Variants in ST6GALNAC1 observed in about 807,000 individuals in gnomAD.
ST6GALNAC1 encodes alpha-N-acetylgalactosaminide alpha-2,6-sialyltransferase 1.
ST6GALNAC1 carries 45 observed loss-of-function variants against 56.8 expected under a neutral mutation model. That is an observed-to-expected ratio of 0.79 (90% CI 0.62 to 1.02). The LOEUF (loss-of-function observed/expected upper bound fraction) is 1.02, where lower values mean the gene tolerates loss of function less well. ST6GALNAC1 is among the 50% of genes least tolerant of loss of function. ST6GALNAC1 has a pLI of 0.00. For synonymous variants in ST6GALNAC1, 295 were observed against 297.8 expected (o/e 0.99, Z 0.10); for missense variants, 743 against 754.8 (o/e 0.98, Z 0.18).
the ST6GALNAC1 span, among the ~76,000 whole-genome samples, chr17:76,618,177 G>A: frequency 3.9e-5 from 6 of 152,190 alleles, no homozygotes; most frequent in African/African-American, 1.2e-4. Flanking sequence ...CAATAAGCAG[G>A]TGGTTTCATC....
chr17:76,623,301 C>A (rs1477299158), downstream of ST6GALNAC1, among the ~76,000 whole-genome samples: 1 of 152,152 alleles, frequency 6.6e-6, no homozygotes, highest in Non-Finnish European at 1.5e-5. Flanking sequence ...AGGTAGACCT[C>A]TCTCATAGCT....
At position 76,643,537 on chromosome 17, in the gene ST6GALNAC1, A is replaced by T. The variant is rs1486167755; in HGVS notation, c.102T>A (p.Phe34Leu). The stretch of plus-strand genomic sequence containing the variant: ...AAGGCTTTGTTTGAGGCTCCTTAAT[A>T]AAAGAGGGCAAGGCGAAGAGAAAGA... Reference protein sequence around the residue: ...LVFFLFALPSFIKEPQTKPSR... With the variant: ...LVFFLFALPSLIKEPQTKPSR... Residue 34 changes from phenylalanine (F) to leucine (L), a missense_variant, in exon 1 of 9, where the codon TTT becomes TTA. Physicochemically the swap from Phe to Leu is conservative, Grantham distance 22. Coordinates refer to ENST00000156626, the MANE Select transcript of ST6GALNAC1 (RefSeq NM_018414.5). 5.0e-6 allele frequency: 8 copies of T among 1,614,062 alleles called. No individual in the cohort carries two copies. Among genetic ancestry groups the T allele is most frequent in the Non-Finnish European group, 6.8e-6 (8 of 1,179,940 alleles).
intron 1 of ST6GALNAC1, among the ~76,000 whole-genome samples, chr17:76,637,272 T>TA (rs771644279): frequency 0.46 from 8,390 of 18,212 alleles, 2,195 homozygotes; most frequent in East Asian, 0.74. Flanking sequence ...CAATAAATAC[T>TA]AAAAAAAAAA....
downstream of ST6GALNAC1, among the ~76,000 whole-genome samples, chr17:76,624,205 C>G (rs1455770979): frequency 6.6e-6 from 1 of 152,006 alleles, no homozygotes; most frequent in Non-Finnish European, 1.5e-5. Flanking sequence ...TACCGAGGGT[C>G]CTTTATTCTA....
At chr17:76,626,172 G>A in intron 6 of ST6GALNAC1, 77 bp from the exon 7 acceptor site, 1 of 1,554,498 alleles carries the variant, frequency 6.4e-7, no homozygotes, top group Non-Finnish European at 8.9e-7. Context: ...TCATGAGCAT[G>A]ACTGGTATCC....
At chr17:76,623,817 C>T (rs2075762968), downstream of ST6GALNAC1, among the ~76,000 whole-genome samples, 1 of 152,204 alleles carries the variant, frequency 6.6e-6, no homozygotes, top group Non-Finnish European at 1.5e-5. Context: ...TCGAGTAACA[C>T]TCGGTGAGGC....
Position 76,629,567 on chromosome 17 carries a change from G to A in ST6GALNAC1, c.276C>T (p.Pro92=), listed in dbSNP as rs1055347718. Reference sequence around the variant, plus strand: ...CTCTGTCTCCGGTGGTGTGGGCCTTGGGCTGGGTTTGTGTGTTGAGGGCAT... The same window carrying A: ...CTCTGTCTCCGGTGGTGTGGGCCTTAGGCTGGGTTTGTGTGTTGAGGGCAT... ...ENNALNTQTQ[P]KAHTTGDRGK... The change falls in exon 2 of 9, where the codon CCC becomes CCT. Residue 92 remains proline, a synonymous_variant. Coordinates refer to ENST00000156626, the MANE Select transcript of ST6GALNAC1 (RefSeq NM_018414.5). 6.2e-7 allele frequency: 1 copy of A among 1,613,934 alleles called. No homozygotes were observed. The highest frequency in any genetic ancestry group is 8.5e-7 in the Non-Finnish European group (1 of 1,179,932).
chr17:76,621,182 C>CTTTTTTTTTTTTTTTTTTTTT (rs367846650), downstream of ST6GALNAC1, among the ~76,000 whole-genome samples: 2 of 105,326 alleles, frequency 1.9e-5, no homozygotes, highest in Non-Finnish European at 3.6e-5. Context: ...TTCTTTCTTT[C>CTTTTTTTTTTTTTTTTTTTTT]TTTCTTTTTT....
intron 1 of ST6GALNAC1, among the ~76,000 whole-genome samples, chr17:76,639,798 G>T (rs1332701629): frequency 6.6e-6 from 1 of 151,776 alleles, no homozygotes; most frequent in Non-Finnish European, 1.5e-5. Context: ...TGGGAGACGT[G>T]GGGGATGAGA....
rs748372332 is a variant in ST6GALNAC1 at position 76,627,441 on chromosome 17, A to T, written c.974T>A (p.Phe325Tyr). 1.9e-6 allele frequency: 3 copies of T among 1,614,188 alleles called. No homozygotes were observed. The South Asian group carries it at 3.3e-5, about 18-fold the overall frequency. ...WDRLEHFAPP[F>Y]GFMELNYSLV... ...GGAGTAGTTGAGCTCCATGAAGCCA[A>T]AGGGTGGTGCAAAGTGTTCCAGGCG... The change falls in exon 3 of 9, where the codon TTT (phenylalanine) becomes TAT (tyrosine). Residue 325 changes from phenylalanine to tyrosine, a missense_variant. Phe to Tyr is a conservative substitution (Grantham distance 22). Transcript: ENST00000156626. The surrounding 1 kb of genome is among the most constrained non-coding windows in gnomAD (Gnocchi z 4.4).
intron 1 of ST6GALNAC1, among the ~76,000 whole-genome samples, chr17:76,636,734 G>T (rs141979956): frequency 0.033 from 4,947 of 152,202 alleles, 129 homozygotes; most frequent in South Asian, 0.061. Context: ...GAAGTGAGGA[G>T]CCCCTCTGCC....
chr17:76,632,405 G>A (rs73352090), intron 1 of ST6GALNAC1, among the ~76,000 whole-genome samples: 11,996 of 152,010 alleles, frequency 0.079, 575 homozygotes, highest in African/African-American at 0.11. Flanking sequence ...CTGCTTAGTG[G>A]CCACACTGAC....
In ST6GALNAC1 at chr17:76,629,680, A is replaced by T; in HGVS notation, c.163T>A (p.Ser55Thr). 6.2e-7 allele frequency: 1 copy of T among 1,612,572 alleles called. No homozygotes were observed. Among genetic ancestry groups the T allele is most frequent in the Non-Finnish European group, 8.5e-7 (1 of 1,179,714 alleles). ...TTAGGCTTTGCCAGGGACTGTAGAG[A>T]CCTTTCTTTAATGTTCTCTGTGCGT... The part of the protein sequence containing the change: ...HQRTENIKER[S>T]LQSLAKPKSQ... Residue 55 changes from serine to threonine, a missense_variant, in exon 2 of 9, where the codon TCT becomes ACT. Ser to Thr is a moderately conservative substitution (Grantham distance 58, BLOSUM62 1). Transcript: ENST00000156626.
intron 8 of ST6GALNAC1, 50 bp downstream of exon 8, chr17:76,625,769 G>T (rs1175803529): frequency 2.1e-6 from 3 of 1,418,498 alleles, no homozygotes; most frequent in South Asian, 1.4e-5. Flanking sequence ...CCCAGGAATA[G>T]CCCAGGAGCT....
At chr17:76,632,578 A>G (rs1332971494) in intron 1 of ST6GALNAC1, among the ~76,000 whole-genome samples, 1 of 152,208 alleles carries the variant, frequency 6.6e-6, no homozygotes, top group Non-Finnish European at 1.5e-5. Flanking sequence ...AAAATTATGT[A>G]ATTAAGTTTC....
At chr17:76,618,245 TTA>T in the ST6GALNAC1 span, among the ~76,000 whole-genome samples, 1 of 152,194 alleles carries the variant, frequency 6.6e-6, no homozygotes, top group Non-Finnish European at 1.5e-5. Context: ...CTATTTCTTC[TTA>T]TGTTTGTAGA....
At chr17:76,642,244 C>CTATCTATCT (rs1555636663) in intron 1 of ST6GALNAC1, among the ~76,000 whole-genome samples, 1 of 106,346 alleles carries the variant, frequency 9.4e-6, no homozygotes, top group African/African-American at 6.0e-5. Context: ...ATCTATCTAT[C>CTATCTATCT]ATCTATCTAT....
At chr17:76,619,326 A>C in the ST6GALNAC1 span, among the ~76,000 whole-genome samples, 1 of 152,170 alleles carries the variant, frequency 6.6e-6, no homozygotes, top group Non-Finnish European at 1.5e-5. Flanking sequence ...TCTAGACTCT[A>C]TTCACTGACG....
Position 76,625,084 on chromosome 17 carries a change from C to A in ST6GALNAC1, c.*246G>T, listed in dbSNP as rs139961194. 2.4e-5 allele frequency: 13 copies of A among 534,390 alleles called. No homozygotes were observed. In the East Asian group the frequency reaches 3.9e-4, roughly 16 times the overall value. 33.1% of individuals were successfully genotyped at this position (534,390 alleles called of 1,614,324 possible). A position where few individuals can be genotyped will look rare whatever the true frequency, so the allele number is the denominator to read the frequency against. ...AGCAGGAATTGTGGTATTGGCCACC[C>A]ATCACCCCATTTAATTAAAAATCCC... On this transcript the variant is annotated 3_prime_UTR_variant, in exon 9 of 9. Transcript: ENST00000156626.
Sources: gnomAD v4.1 joint callset for allele counts (sites outside exome capture counted in the v4.1 genomes callset) on GRCh38, gnomAD v4.1.1 for gene constraint, Gnocchi (gnomAD v3.1) non-coding constraint, MANE v1.5 for transcripts, NCBI Gene and HGNC (gene_info 2026-07-23, HGNC 2026-07-21) for gene names.